The following ABHD2 variants were observed in gnomAD, a reference collection of about 807,000 sequenced individuals.
ABHD2 encodes abhydrolase domain containing 2, acylglycerol lipase.
Under a neutral mutation model 48.1 loss-of-function variants are expected in ABHD2, and 20 were observed. The observed-to-expected ratio is 0.42, with a 90% CI of 0.29 to 0.60. The LOEUF (loss-of-function observed/expected upper bound fraction) is 0.60. Ranked by LOEUF, ABHD2 falls within the 20% of genes least tolerant of loss-of-function variation. ABHD2 has a pLI of 0.24. For missense variants in ABHD2, 405 were observed against 550.9 expected (o/e 0.74, Z 2.65); for synonymous variants, 209 against 214.2 (o/e 0.98, Z 0.21).
intron 1 of ABHD2, chr15:89,103,875 A>G (rs1473247484): frequency 6.6e-6 from 1 of 152,176 alleles, no homozygotes; most frequent in Non-Finnish European, 1.5e-5. Flanking sequence ...ATAGGTGCCT[A>G]TCTCACAATA....
At chr15:89,071,238 G>A in the ABHD2 span, among the ~76,000 whole-genome samples, 1 of 152,086 alleles carries the variant, frequency 6.6e-6, no homozygotes, top group African/African-American at 2.4e-5. Flanking sequence ...TGGCCAACAT[G>A]GTGAAACCCC....
At chr15:89,059,468 T>C in the ABHD2 span, among the ~76,000 whole-genome samples, 1 of 152,192 alleles carries the variant, frequency 6.6e-6, no homozygotes, top group East Asian at 1.9e-4. Flanking sequence ...GGTTGATCAT[T>C]GGTCACAACT....
In ABHD2 at chr15:89,164,145, G is replaced by T. The variant is rs139592087; in HGVS notation, c.538+8611G>T. Among the ~76,000 whole-genome samples the T allele has an allele frequency of 2.6e-5, 4 of 152,182 alleles. No individual in the cohort carries two copies. Among genetic ancestry groups the T allele is most frequent in the Non-Finnish European group, 4.4e-5 (3 of 68,036 alleles). ...AGACAATGATGGGGCCAGCCTCTGC[G>T]ATGGGAATACAGGTGTGGATTCGAG... On this transcript the variant is annotated intron_variant, in intron 5 of 10. Coordinates refer to ENST00000352732, the MANE Select transcript of ABHD2 (RefSeq NM_152924.5). This position sits in a 1 kb window ranked among gnomAD's most constrained non-coding sequence, Gnocchi z 5.0.
At chr15:89,064,921 A>G in the ABHD2 span, among the ~76,000 whole-genome samples, 3 of 152,268 alleles carry the variant, frequency 2.0e-5, no homozygotes, top group Non-Finnish European at 4.4e-5. Context: ...AAGCACCTGC[A>G]GGCCCTGCCC....
At chr15:89,154,373 A>G (rs2050638179) in intron 4 of ABHD2, among the ~76,000 whole-genome samples, 2 of 152,338 alleles carry the variant, frequency 1.3e-5, no homozygotes, top group South Asian at 4.1e-4. Flanking sequence ...ATTATGATCA[A>G]ATTTAATGAC....
At chr15:89,059,575 A>T in the ABHD2 span, among the ~76,000 whole-genome samples, 1 of 152,166 alleles carries the variant, frequency 6.6e-6, no homozygotes, top group Non-Finnish European at 1.5e-5. Flanking sequence ...TTGAACCATG[A>T]ATTGGAGAAT....
At chr15:89,118,208 G>C (rs997229182) in intron 3 of ABHD2, among the ~76,000 whole-genome samples, 9 of 151,492 alleles carry the variant, frequency 5.9e-5, no homozygotes, top group African/African-American at 2.2e-4. Context: ...TTTTGAGACA[G>C]AGTCTCACTC....
At chr15:89,119,947 C>T (rs745444666) in intron 3 of ABHD2, among the ~76,000 whole-genome samples, 7 of 152,194 alleles carry the variant, frequency 4.6e-5, no homozygotes, top group South Asian at 2.1e-4. Flanking sequence ...CACAAGCACT[C>T]GCCTAGGCTG....
the ABHD2 span, among the ~76,000 whole-genome samples, chr15:89,064,753 T>C: frequency 6.6e-6 from 1 of 152,238 alleles, no homozygotes; most frequent in Non-Finnish European, 1.5e-5. Flanking sequence ...TTTTGCTTAA[T>C]AGACTTTTCA....
At chr15:89,150,327 G>A (rs2050570539) in intron 3 of ABHD2, among the ~76,000 whole-genome samples, 1 of 152,078 alleles carries the variant, frequency 6.6e-6, no homozygotes, top group Admixed American at 6.6e-5. Flanking sequence ...TATAAGTTCT[G>A]TATCTAGATC....
Position 89,188,138 on chromosome 15 carries a change from C to A in ABHD2, c.816-55C>A. ...GCTGTGGCAAGGAAGCAGGCTATGC[C>A]ATGGTTGTTCATCCTCCACATCTTA... On this transcript the variant is annotated intron_variant, in intron 7 of 10. Transcript: ENST00000352732. The surrounding 1 kb of genome is among the most constrained non-coding windows in gnomAD (Gnocchi z 4.1). 6.6e-7 allele frequency: 1 copy of A among 1,506,496 alleles called. No individual in the cohort carries two copies. Among genetic ancestry groups the A allele is most frequent in the South Asian group, 1.1e-5 (1 of 88,200 alleles). The allele number at this position is 1,506,496 out of a possible 1,614,324, so 93.3% of individuals were successfully genotyped here.
chr15:89,080,030 G>T, the ABHD2 span, among the ~76,000 whole-genome samples: 1 of 152,180 alleles, frequency 6.6e-6, no homozygotes, highest in Non-Finnish European at 1.5e-5. Flanking sequence ...CCTCGGCCAT[G>T]GCAGGCTGAG....
chr15:89,062,633 C>T, the ABHD2 span, among the ~76,000 whole-genome samples: 1 of 152,102 alleles, frequency 6.6e-6, no homozygotes. Context: ...AGCGATTCAC[C>T]TGCCTCGGCC....
rs186734800 is a variant in ABHD2 at position 89,159,308 on chromosome 15, C to T, written c.538+3774C>T. Among the ~76,000 whole-genome samples, 660 of 150,534 alleles carry T rather than the reference C, an allele frequency of 4.4e-3. 7 individuals carry two copies. The highest frequency in any genetic ancestry group is 0.015 in the African/African-American group (621 of 40,896). Reference sequence around the variant, plus strand: ...AGGAGAATCACTTGAACCCAGGAGGCGGAGGTTGCAGTGAGCCGAGATCAC... The same window carrying T: ...AGGAGAATCACTTGAACCCAGGAGGTGGAGGTTGCAGTGAGCCGAGATCAC... On this transcript the variant is annotated intron_variant, in intron 5 of 10. Transcript: ENST00000352732.
intron 3 of ABHD2, among the ~76,000 whole-genome samples, chr15:89,124,886 C>T (rs1330059859): frequency 5.9e-5 from 9 of 152,102 alleles, no homozygotes; most frequent in East Asian, 1.9e-4. Context: ...GTCAGGAGTT[C>T]GAGACCAGCC....
At chr15:89,190,079 T>C (rs1274290606) in intron 8 of ABHD2, among the ~76,000 whole-genome samples, 4 of 152,126 alleles carry the variant, frequency 2.6e-5, no homozygotes, top group African/African-American at 9.7e-5. Flanking sequence ...GCCCTACTAG[T>C]CCAGCCTGAG....
Position 89,189,699 on chromosome 15 carries a change from GAAAT to G in ABHD2, c.927-1380_927-1377del. 6.6e-6 allele frequency among the ~76,000 whole-genome samples: 1 copy of G among 152,136 alleles called. No individual in the cohort carries two copies. The highest frequency in any genetic ancestry group is 1.5e-5 in the Non-Finnish European group (1 of 68,022). The stretch of plus-strand genomic sequence containing the variant: ...GTTTCTCAAAGGAAATGAAAACTAG[GAAAT>G]TGCTGGTATGTTCAGAAGGTGAAAA... On this transcript the variant is annotated intron_variant, in intron 8 of 10. Coordinates refer to ENST00000352732, the MANE Select transcript of ABHD2 (RefSeq NM_152924.5). The surrounding 1 kb of genome is among the most constrained non-coding windows in gnomAD (Gnocchi z 4.9).
Position 89,166,797 on chromosome 15 carries a change from A to G in ABHD2, c.539-9015A>G, listed in dbSNP as rs988050385. ...AGCCTGAGCTACAGAGTGAGACCCT[A>G]TCTCTTAAAACAAACAAACATATAT... On this transcript the variant is annotated intron_variant, in intron 5 of 10. Transcript: ENST00000352732. This position sits in a 1 kb window ranked among gnomAD's most constrained non-coding sequence, Gnocchi z 4.6. Among the ~76,000 whole-genome samples, 3 of 152,166 alleles carry G rather than the reference A, an allele frequency of 2.0e-5. No individual in the cohort carries two copies. The highest frequency in any genetic ancestry group is 4.8e-5 in the African/African-American group (2 of 41,450).
chr15:89,115,138 T>A (rs2049934643), intron 2 of ABHD2, among the ~76,000 whole-genome samples: 1 of 152,186 alleles, frequency 6.6e-6, no homozygotes, highest in African/African-American at 2.4e-5. Flanking sequence ...AGAGCTCTCA[T>A]GATGACTGTT....
Sources: allele counts gnomAD v4.1 joint callset (sites outside exome capture counted in the v4.1 genomes callset), GRCh38; gene constraint gnomAD v4.1.1; non-coding constraint Gnocchi (gnomAD v3.1); transcripts MANE v1.5; gene names NCBI Gene and HGNC (gene_info 2026-07-23, HGNC 2026-07-21).